PRR5L: variants seen among roughly 807,000 people sequenced by gnomAD.
PRR5L encodes proline-rich protein 5-like.
A neutral mutation model predicts 36.4 loss-of-function variants in PRR5L; 21 were observed. The ratio of observed to expected loss-of-function variants is 0.58; its 90% CI spans 0.41 to 0.83. The LOEUF is 0.83. PRR5L is among the 40% of genes least tolerant of loss of function. The probability of loss-of-function intolerance (pLI) is 0.00; values close to 1 mark genes in which losing one functional copy is unlikely to be tolerated. For synonymous variants in PRR5L, 188 were observed against 197.0 expected, an observed-to-expected ratio of 0.95 and a Z score of 0.38; for missense variants, 381 against 473.3, an observed-to-expected ratio of 0.80 and a Z score of 1.81.
intron 1 of PRR5L, among the ~76,000 whole-genome samples, chr11:36,369,197 G>A (rs1488563532): frequency 1.3e-5 from 2 of 152,188 alleles, no homozygotes; most frequent in African/African-American, 4.8e-5. Context: ...CAGAGACAAG[G>A]ATGCAGGGCA....
At chr11:36,407,138 G>A (rs1293127786) in intron 3 of PRR5L, among the ~76,000 whole-genome samples, 1 of 152,064 alleles carries the variant, frequency 6.6e-6, no homozygotes, top group African/African-American at 2.4e-5. Context: ...TAATGGGTGA[G>A]TACGAGGCAT....
At chr11:36,395,010 T>C (rs1857629428) in intron 1 of PRR5L, among the ~76,000 whole-genome samples, 1 of 152,316 alleles carries the variant, frequency 6.6e-6, no homozygotes, top group East Asian at 1.9e-4. Context: ...CAACATCTTT[T>C]CTGCAATGCT....
intron 1 of PRR5L, among the ~76,000 whole-genome samples, chr11:36,345,103 C>A (rs922668906): frequency 5.9e-5 from 9 of 152,074 alleles, no homozygotes; most frequent in South Asian, 2.1e-4. Context: ...GTGAGAGCAG[C>A]GGCAGGAAGG....
intron 3 of PRR5L, among the ~76,000 whole-genome samples, chr11:36,417,824 C>T (rs1355244564): frequency 8.5e-5 from 13 of 152,164 alleles, no homozygotes; most frequent in Non-Finnish European, 8.8e-5. Context: ...CAGCAAGCGT[C>T]GTCAGAAACT....
At chr11:36,317,567 AT>A (rs2133460649) in intron 1 of PRR5L, among the ~76,000 whole-genome samples, 1 of 152,304 alleles carries the variant, frequency 6.6e-6, no homozygotes, top group African/African-American at 2.4e-5. Flanking sequence ...GTTCGGAGTT[AT>A]TTGACTAGTT....
Position 36,462,685 on chromosome 11 carries a change from G to T in PRR5L, c.1056G>T (p.Gly352=), listed in dbSNP as rs770069486. The stretch of plus-strand genomic sequence containing the variant: ...ACAACCCTGACGGACTGGAGGAGGG[G>T]GCCAGGGGCAGCCAGGAGGGCTCGG... ...ITDNPDGLEE[G]ARGSQEGSEL... The change falls in exon 9 of 9, where the codon GGG becomes GGT. Residue 352 remains glycine, a synonymous_variant. Coordinates refer to ENST00000530639, the MANE Select transcript of PRR5L (RefSeq NM_001160167.2). 1 of 1,604,270 alleles carries T rather than the reference G, an allele frequency of 6.2e-7. No individual in the cohort carries two copies. The highest frequency in any genetic ancestry group is 8.5e-7 in the Non-Finnish European group (1 of 1,175,848).
In PRR5L at chr11:36,395,518, T is replaced by C. The variant is rs1348688061; in HGVS notation, c.-125-5479T>C. Among the ~76,000 whole-genome samples the C allele has an allele frequency of 2.0e-5, 3 of 152,238 alleles. No individual in the cohort carries two copies. In the South Asian group the frequency reaches 6.2e-4, roughly 32 times the overall value. ...ACAAATACGGAACATTTCTGTCATC[T>C]TGAAGTTCTACAGGATAGAGCTGCT... On this transcript the variant is annotated intron_variant, in intron 1 of 8. Transcript: ENST00000530639.
At chr11:36,392,164 T>C (rs1857576246) in intron 1 of PRR5L, among the ~76,000 whole-genome samples, 2 of 152,360 alleles carry the variant, frequency 1.3e-5, no homozygotes, top group South Asian at 4.1e-4. Flanking sequence ...TTTTTATGGA[T>C]GAAGAGTACT....
In PRR5L at chr11:36,377,920, A is replaced by C. The variant is rs1463975098; in HGVS notation, c.-125-23077A>C. On this transcript the variant is annotated intron_variant, in intron 1 of 8. Transcript: ENST00000530639. This position sits in a 1 kb window ranked among gnomAD's most constrained non-coding sequence, Gnocchi z 5.1. ...GAATTCTGGACCTGTTGCCCAGACGACACGTGCACATTCAGATGACCCATG... is the reference window on the plus strand; with the variant it reads ...GAATTCTGGACCTGTTGCCCAGACGCCACGTGCACATTCAGATGACCCATG... Among the ~76,000 whole-genome samples, 1 of 152,144 alleles carries C rather than the reference A, an allele frequency of 6.6e-6. No homozygotes were observed. Among genetic ancestry groups the C allele is most frequent in the Non-Finnish European group, 1.5e-5 (1 of 68,026 alleles).
chr11:36,400,997 G>A lies in PRR5L; in HGVS notation c.-125G>A. Reference sequence around the variant, plus strand: ...AATAAAAGCTTCCCTCTCTTTTCAGGTGTTGGCTACGTTTGTGGTTTTAAG... The same window carrying A: ...AATAAAAGCTTCCCTCTCTTTTCAGATGTTGGCTACGTTTGTGGTTTTAAG... On this transcript the variant is annotated splice_region_variant and 5_prime_UTR_variant, in exon 2 of 9. The change creates a new upstream start codon in the 5' untranslated region. Coordinates refer to ENST00000530639, the MANE Select transcript of PRR5L (RefSeq NM_001160167.2). 6.9e-7 allele frequency: 1 copy of A among 1,459,230 alleles called. No individual in the cohort carries two copies. Among genetic ancestry groups the A allele is most frequent in the Non-Finnish European group, 9.1e-7 (1 of 1,104,808 alleles). The allele number at this position is 1,459,230 out of a possible 1,614,324, so 90.4% of individuals were successfully genotyped here. A position where few individuals can be genotyped will look rare whatever the true frequency, so the allele number is the denominator to read the frequency against.
At chr11:36,415,616 C>T (rs184740068) in intron 3 of PRR5L, among the ~76,000 whole-genome samples, 117 of 152,314 alleles carry the variant, frequency 7.7e-4, no homozygotes, top group African/African-American at 2.5e-3. Context: ...CAGTGTTGCG[C>T]GCCTGCTCTC....
chr11:36,444,811 A>G (rs1267867729), intron 6 of PRR5L, among the ~76,000 whole-genome samples: 1 of 152,226 alleles, frequency 6.6e-6, no homozygotes, highest in Non-Finnish European at 1.5e-5. Flanking sequence ...GTTGTGAACA[A>G]AAAGTTGTTT....
intron 1 of PRR5L, among the ~76,000 whole-genome samples, chr11:36,361,849 G>A (rs1417975283): frequency 1.3e-5 from 2 of 152,054 alleles, no homozygotes; most frequent in Non-Finnish European, 2.9e-5. Context: ...TTTCTAAAAT[G>A]GAATGGCTGT....
At chr11:36,373,737 C>G (rs1857221065) in intron 1 of PRR5L, among the ~76,000 whole-genome samples, 1 of 152,078 alleles carries the variant, frequency 6.6e-6, no homozygotes, top group African/African-American at 2.4e-5. Flanking sequence ...GTTGTGAATA[C>G]TTCTCTTTAC....
At chr11:36,342,537 A>T (rs981415720) in intron 1 of PRR5L, among the ~76,000 whole-genome samples, 1 of 152,180 alleles carries the variant, frequency 6.6e-6, no homozygotes, top group Admixed American at 6.5e-5. Context: ...GAATGAGAAG[A>T]ATGTTAATTA....
In PRR5L at chr11:36,419,269, G is replaced by A. The variant is rs149085969; in HGVS notation, c.260G>A (p.Ser87Asn). The change falls in exon 4 of 9, where the codon AGT (serine) becomes AAT (asparagine). Residue 87 changes from serine (S) to asparagine (N), a missense_variant. Coordinates refer to ENST00000530639, the MANE Select transcript of PRR5L (RefSeq NM_001160167.2). ...LNENIRRLLK[S>N]ELGSFITDYF... ...CTTCTCCCCAGGCGGCTGTTGAAGA[G>A]TGAACTTGGATCATTCATTACAGAC... The A allele has an allele frequency of 4.3e-6, 7 of 1,614,132 alleles. No homozygotes were observed. Among genetic ancestry groups the A allele is most frequent in the Non-Finnish European group, 5.9e-6 (7 of 1,179,968 alleles).
intron 1 of PRR5L, among the ~76,000 whole-genome samples, chr11:36,391,294 A>T (rs1374977339): frequency 6.6e-6 from 1 of 152,214 alleles, no homozygotes; most frequent in Non-Finnish European, 1.5e-5. Context: ...ATTTTCCACT[A>T]AGTGCAGCAT....
At chr11:36,390,444 C>G (rs540151388) in intron 1 of PRR5L, among the ~76,000 whole-genome samples, 50 of 152,298 alleles carry the variant, frequency 3.3e-4, no homozygotes, top group African/African-American at 1.2e-3. Flanking sequence ...TTGAAGGCAT[C>G]GCAGCAAAGA....
At chr11:36,449,919 C>A (rs1858909294) in intron 7 of PRR5L, among the ~76,000 whole-genome samples, 1 of 152,102 alleles carries the variant, frequency 6.6e-6, no homozygotes, top group Admixed American at 6.5e-5. Flanking sequence ...TTCTGTGGTC[C>A]CTCCCTGTTT....
Sources: allele counts gnomAD v4.1 joint callset (sites outside exome capture counted in the v4.1 genomes callset), GRCh38; gene constraint gnomAD v4.1.1; non-coding constraint Gnocchi (gnomAD v3.1); transcripts MANE v1.5; gene names NCBI Gene and HGNC (gene_info 2026-07-23, HGNC 2026-07-21).